The following DOCK3 variants were observed in gnomAD, a reference collection of about 807,000 sequenced individuals.
The protein encoded by DOCK3 is dedicator of cytokinesis 3, also known as dedicator of cytokinesis protein 3.
DOCK3 carries 60 observed loss-of-function variants against 265.6 expected under a neutral mutation model. That is an observed-to-expected ratio of 0.23 (90% CI 0.18 to 0.28). The LOEUF (loss-of-function observed/expected upper bound fraction) is 0.28, where lower values mean the gene tolerates loss of function less well. DOCK3 is among the 10% of genes least tolerant of loss of function. The probability of loss-of-function intolerance (pLI) is 1.00; values close to 1 mark genes in which losing one functional copy is unlikely to be tolerated. For synonymous variants in DOCK3, 881 were observed against 938.0 expected, an observed-to-expected ratio of 0.94 and a Z score of 1.11; for missense variants, 1,981 against 2,594.3, an observed-to-expected ratio of 0.76 and a Z score of 5.14.
intron 24 of DOCK3, among the ~76,000 whole-genome samples, chr3:51,274,356 A>T (rs1236868305): frequency 2.0e-5 from 3 of 152,230 alleles, no homozygotes; most frequent in Non-Finnish European, 4.4e-5. Flanking sequence ...GCCAGGGCAT[A>T]AAGAGGGACA....
chr3:51,143,891 C>T (rs374270876), intron 9 of DOCK3, among the ~76,000 whole-genome samples: 9 of 152,056 alleles, frequency 5.9e-5, no homozygotes, highest in East Asian at 3.9e-4. Flanking sequence ...TAATCTGGGG[C>T]GACAGAAAGT....
At chr3:51,321,308 A>G (rs765730927) in intron 32 of DOCK3, among the ~76,000 whole-genome samples, 1 of 152,224 alleles carries the variant, frequency 6.6e-6, no homozygotes, top group Non-Finnish European at 1.5e-5. Flanking sequence ...GTCCACACAG[A>G]GACCTCATCT....
At chr3:51,105,814 G>C (rs1487238972) in intron 9 of DOCK3, among the ~76,000 whole-genome samples, 1 of 152,166 alleles carries the variant, frequency 6.6e-6, no homozygotes, top group East Asian at 1.9e-4. Context: ...TGGATTGAAG[G>C]GGGAAGAAGC....
At chr3:51,070,819 A>T (rs2081831565) in intron 6 of DOCK3, among the ~76,000 whole-genome samples, 1 of 152,002 alleles carries the variant, frequency 6.6e-6, no homozygotes, top group Admixed American at 6.6e-5. Flanking sequence ...CCTGAGCTCC[A>T]CCTCCTCTCA....
intron 50 of DOCK3, 105 bp from the exon 51 acceptor site, chr3:51,375,643 C>A: frequency 1.5e-6 from 2 of 1,299,298 alleles, no homozygotes; most frequent in Non-Finnish European, 2.2e-6. Flanking sequence ...GCTTTGTTTT[C>A]CCCGTCTGAT....
intron 23 of DOCK3, among the ~76,000 whole-genome samples, chr3:51,263,291 C>T (rs935113507): frequency 6.6e-6 from 1 of 152,158 alleles, no homozygotes; most frequent in Admixed American, 6.6e-5. Flanking sequence ...AAAGAATTTT[C>T]AACCCAGAAT....
intron 1 of DOCK3, among the ~76,000 whole-genome samples, chr3:50,676,717 G>A (rs1256995147): frequency 6.7e-6 from 1 of 149,862 alleles, no homozygotes; most frequent in East Asian, 2.0e-4. Flanking sequence ...TTTGGCGGGG[G>A]TGGGGGCGTG....
intron 1 of DOCK3, among the ~76,000 whole-genome samples, chr3:50,725,942 G>A (rs2037795566): frequency 6.6e-6 from 1 of 152,144 alleles, no homozygotes; most frequent in South Asian, 2.1e-4. Flanking sequence ...AAATTCCCAA[G>A]TGATTCTTAC....
chr3:50,842,033 T>C (rs1298852180), intron 3 of DOCK3, among the ~76,000 whole-genome samples: 1 of 152,168 alleles, frequency 6.6e-6, no homozygotes, highest in Non-Finnish European at 1.5e-5. Flanking sequence ...TGTGGAACCA[T>C]ATAATTAGAT....
At chr3:50,891,360 G>A (rs1442668870) in intron 4 of DOCK3, among the ~76,000 whole-genome samples, 1 of 152,018 alleles carries the variant, frequency 6.6e-6, no homozygotes, top group Non-Finnish European at 1.5e-5. Context: ...TAACTTAGAA[G>A]ATTCTGATAT....
At chr3:50,778,633 GT>G in intron 1 of DOCK3, 41 bp from the exon 2 acceptor site, 1 of 1,470,760 alleles carries the variant, frequency 6.8e-7, no homozygotes, top group East Asian at 2.4e-5. Flanking sequence ...ATGTCTCAGT[GT>G]TTAAAAATGC....
At chr3:51,309,026 G>A in intron 27 of DOCK3, among the ~76,000 whole-genome samples, 1 of 152,186 alleles carries the variant, frequency 6.6e-6, no homozygotes, top group South Asian at 2.1e-4. Flanking sequence ...TCAGACGATG[G>A]GTGGCCGGGC....
intron 2 of DOCK3, among the ~76,000 whole-genome samples, chr3:50,840,865 G>C (rs2045788234): frequency 6.6e-6 from 1 of 152,122 alleles, no homozygotes; most frequent in African/African-American, 2.4e-5. Context: ...ATGTTTTCAG[G>C]TGAAAAAAGT....
At chr3:51,104,471 T>C (rs2083201775) in intron 9 of DOCK3, among the ~76,000 whole-genome samples, 1 of 152,186 alleles carries the variant, frequency 6.6e-6, no homozygotes, top group Non-Finnish European at 1.5e-5. Context: ...TGACAGTGAA[T>C]TGTGGGAAAT....
chr3:51,180,493 A>G (rs895393100), intron 12 of DOCK3, among the ~76,000 whole-genome samples: 1 of 152,120 alleles, frequency 6.6e-6, no homozygotes, highest in Non-Finnish European at 1.5e-5. Flanking sequence ...CTGGCTGCCA[A>G]CATGCCTGGA....
At chr3:50,733,632 C>T (rs952302780) in intron 1 of DOCK3, among the ~76,000 whole-genome samples, 1 of 152,176 alleles carries the variant, frequency 6.6e-6, no homozygotes, top group Non-Finnish European at 1.5e-5. Flanking sequence ...GGTTGAGTCT[C>T]CTATAGGCAA....
chr3:51,244,922 A>G (rs2078757734), intron 21 of DOCK3, among the ~76,000 whole-genome samples: 1 of 152,240 alleles, frequency 6.6e-6, no homozygotes, highest in South Asian at 2.1e-4. Context: ...CATGAGAAAC[A>G]TTCGAATAGC....
At chr3:51,330,517 G>A (rs1026886066) in intron 33 of DOCK3, among the ~76,000 whole-genome samples, 11 of 152,194 alleles carry the variant, frequency 7.2e-5, no homozygotes, top group African/African-American at 2.4e-4. Context: ...TGGATGGGGG[G>A]CAGACGGTTC....
chr3:50,755,513 G>A (rs1360834244), intron 1 of DOCK3, among the ~76,000 whole-genome samples: 1 of 152,172 alleles, frequency 6.6e-6, no homozygotes, highest in African/African-American at 2.4e-5. Context: ...ATCTGTTGAT[G>A]TAAAAGAGAA....
Sources: gnomAD v4.1 joint callset for allele counts (sites outside exome capture counted in the v4.1 genomes callset) on GRCh38, gnomAD v4.1.1 for gene constraint, MANE v1.5 for transcripts, NCBI Gene and HGNC (gene_info 2026-07-23, HGNC 2026-07-21) for gene names.